Variants in PRKN observed in about 807,000 individuals in gnomAD.
PRKN encodes E3 ubiquitin-protein ligase parkin.
Under a neutral mutation model 59.5 loss-of-function variants are expected in PRKN, and 56 were observed. The ratio of observed to expected loss-of-function variants is 0.94; its 90% CI spans 0.76 to 1.18. The LOEUF (loss-of-function observed/expected upper bound fraction) is 1.18, where lower values mean the gene tolerates loss of function less well. PRKN is among the 50% of genes most tolerant of loss of function. The pLI, the probability that PRKN is intolerant of heterozygous loss-of-function variation, is 0.00. For synonymous variants in PRKN, 250 were observed against 222.1 expected, an observed-to-expected ratio of 1.13 and a Z score of -1.12; for missense variants, 657 against 596.4, an observed-to-expected ratio of 1.10 and a Z score of -1.06.
rs559698235 is a variant in PRKN at position 162,690,489 on chromosome 6, A to C, written c.7+37173T>G. Among the ~76,000 whole-genome samples the C allele has an allele frequency of 2.6e-5, 4 of 152,326 alleles. No homozygotes were observed. The East Asian group carries it at 5.8e-4, about 22-fold the overall frequency. ...AAAGCGGTAGCTTTCACTCATTAGCAAGACTGATATAAAATAAATAGAAAC... is the reference window on the plus strand; with the variant it reads ...AAAGCGGTAGCTTTCACTCATTAGCCAGACTGATATAAAATAAATAGAAAC... On this transcript the variant is annotated intron_variant, in intron 1 of 11. Transcript: ENST00000366898.
chr6:162,720,740 G>A (rs1018534439), intron 1 of PRKN, among the ~76,000 whole-genome samples: 14 of 152,194 alleles, frequency 9.2e-5, no homozygotes, highest in Admixed American at 2.0e-4. Context: ...GTGAGCCACC[G>A]CGCCCGGCCC....
chr6:162,477,903 G>A (rs1389889797), intron 1 of PRKN, among the ~76,000 whole-genome samples: 1 of 152,146 alleles, frequency 6.6e-6, no homozygotes, highest in East Asian at 1.9e-4. Flanking sequence ...GGCAACACTA[G>A]GATCCTTTAC....
At chr6:162,305,806 G>T (rs1782195710) in intron 2 of PRKN, among the ~76,000 whole-genome samples, 1 of 151,906 alleles carries the variant, frequency 6.6e-6, no homozygotes. Context: ...TAAGTATACT[G>T]AAAATTCTAT....
intron 6 of PRKN, among the ~76,000 whole-genome samples, chr6:161,816,550 G>A (rs1170638598): frequency 6.6e-6 from 1 of 151,930 alleles, no homozygotes; most frequent in East Asian, 1.9e-4. Context: ...ACAGAAAAAA[G>A]GTTTAAGAAT....
In PRKN at chr6:162,042,726, A is replaced by G. The variant is rs571280881; in HGVS notation, c.618+11365T>C. Among the ~76,000 whole-genome samples, 11 of 152,212 alleles carry G rather than the reference A, an allele frequency of 7.2e-5. 1 individual carries two copies. The highest frequency in any genetic ancestry group is 2.7e-4 in the African/African-American group (11 of 41,456). On this transcript the variant is annotated intron_variant, in intron 5 of 11. Coordinates refer to ENST00000366898, the MANE Select transcript of PRKN (RefSeq NM_004562.3). ...AATACCAAATTAGAATTGATTCTCT[A>G]AAGTGTCTTCATATATTGTACATTG...
Position 161,973,367 on chromosome 6 carries a change from T to C in PRKN, c.669A>G (p.Ser223=), listed in dbSNP as rs751272531. ...GAHPTSDKET[S]VALHLIATNS... is the part of the protein sequence containing the mutation. Reference sequence around the variant, plus strand: ...TTGTTGCGATCAGGTGCAAAGCTACTGATGTTTCCTTGTCAGAGGTGGGGT... The same window carrying C: ...TTGTTGCGATCAGGTGCAAAGCTACCGATGTTTCCTTGTCAGAGGTGGGGT... The change falls in exon 6 of 12, where the codon TCA becomes TCG. Residue 223 remains serine (S), a synonymous_variant. Transcript: ENST00000366898. 1.9e-6 allele frequency: 3 copies of C among 1,614,050 alleles called. No individual in the cohort carries two copies. Among genetic ancestry groups the C allele is most frequent in the Admixed American group, 3.3e-5 (2 of 60,028 alleles).
intron 7 of PRKN, among the ~76,000 whole-genome samples, chr6:161,684,750 T>G (rs1391294345): frequency 6.6e-6 from 1 of 151,326 alleles, no homozygotes; most frequent in East Asian, 1.9e-4. Context: ...ATTATTTCAC[T>G]AAAGTCTATA....
chr6:161,714,455 T>G (rs1275457034), intron 7 of PRKN, among the ~76,000 whole-genome samples: 1 of 152,258 alleles, frequency 6.6e-6, no homozygotes, highest in Admixed American at 6.5e-5. Flanking sequence ...GGAGGTGTCA[T>G]CGTGCAAGCA....
chr6:162,158,835 C>T (rs903386294), intron 4 of PRKN, among the ~76,000 whole-genome samples: 5 of 151,952 alleles, frequency 3.3e-5, no homozygotes, highest in African/African-American at 7.3e-5. Flanking sequence ...AGGCTTCAAA[C>T]GAGTCTCGTA....
chr6:161,864,131 C>T (rs1583265825), intron 6 of PRKN, among the ~76,000 whole-genome samples: 2 of 152,142 alleles, frequency 1.3e-5, no homozygotes, highest in Admixed American at 6.5e-5. Flanking sequence ...TCATTTGACT[C>T]CTCCTTTCAT....
chr6:162,208,382 C>T (rs1211895990), intron 3 of PRKN, among the ~76,000 whole-genome samples: 1 of 152,112 alleles, frequency 6.6e-6, no homozygotes, highest in Non-Finnish European at 1.5e-5. Context: ...TCTAAGGAGA[C>T]TCTACACTTA....
At chr6:161,504,899 C>CAT (rs1289333394) in intron 9 of PRKN, among the ~76,000 whole-genome samples, 1 of 148,176 alleles carries the variant, frequency 6.7e-6, no homozygotes, top group African/African-American at 2.5e-5. Context: ...GTATATGTGC[C>CAT]ACATTTTCTT....
At chr6:162,237,469 T>C (rs1583246276) in intron 3 of PRKN, among the ~76,000 whole-genome samples, 1 of 152,212 alleles carries the variant, frequency 6.6e-6, no homozygotes, top group Non-Finnish European at 1.5e-5. Context: ...GTCTGTTAAA[T>C]GTTTGCAATG....
At chr6:161,859,927 T>C (rs1284986408) in intron 6 of PRKN, among the ~76,000 whole-genome samples, 1 of 152,196 alleles carries the variant, frequency 6.6e-6, no homozygotes, top group East Asian at 1.9e-4. Context: ...GGAACAATGG[T>C]TAATCTTAAA....
chr6:162,246,029 G>C (rs1583260347), intron 3 of PRKN, among the ~76,000 whole-genome samples: 1 of 152,080 alleles, frequency 6.6e-6, no homozygotes, highest in South Asian at 2.1e-4. Flanking sequence ...TGAAGTTGTA[G>C]GACTGAAGCT....
intron 3 of PRKN, among the ~76,000 whole-genome samples, chr6:162,240,413 G>C (rs12175150): frequency 0.18 from 27,877 of 152,008 alleles, 2,937 homozygotes; most frequent in South Asian, 0.35. Context: ...TTACTTTTAA[G>C]AGGAATTTCA....
chr6:161,665,240 G>T (rs1784684320), intron 7 of PRKN, among the ~76,000 whole-genome samples: 1 of 151,566 alleles, frequency 6.6e-6, no homozygotes, highest in South Asian at 2.1e-4. Context: ...CCTAAATCTG[G>T]GATATGGCTA....
intron 7 of PRKN, among the ~76,000 whole-genome samples, chr6:161,666,335 G>A (rs534311181): frequency 1.4e-4 from 21 of 152,298 alleles, no homozygotes; most frequent in Middle Eastern, 6.8e-3. Flanking sequence ...GAACCTTATC[G>A]TGAACTACAC....
chr6:162,122,577 G>C (rs1375765566), intron 4 of PRKN, among the ~76,000 whole-genome samples: 1 of 152,092 alleles, frequency 6.6e-6, no homozygotes, highest in Non-Finnish European at 1.5e-5. Flanking sequence ...GTATGGCAAT[G>C]GGATCATGTC....
Sources: gnomAD v4.1 joint callset for allele counts (sites outside exome capture counted in the v4.1 genomes callset) on GRCh38, gnomAD v4.1.1 for gene constraint, MANE v1.5 for transcripts, NCBI Gene and HGNC (gene_info 2026-07-23, HGNC 2026-07-21) for gene names.